Variants in GAN observed in about 807,000 individuals in gnomAD.
The protein encoded by GAN is epididymis secretory sperm binding protein.
GAN carries 48 observed loss-of-function variants against 71.3 expected under a neutral mutation model. The ratio of observed to expected loss-of-function variants is 0.67; its 90% CI spans 0.53 to 0.86. The LOEUF (loss-of-function observed/expected upper bound fraction) is 0.86. GAN is among the 40% of genes least tolerant of loss of function. GAN has a pLI of 0.00. For synonymous variants in GAN, 386 were observed against 276.8 expected (o/e 1.39, Z -3.92); for missense variants, 928 against 770.1 (o/e 1.21, Z -2.43).
chr16:81,352,264 C>G (rs543273849), intron 2 of GAN, among the ~76,000 whole-genome samples: 1 of 152,300 alleles, frequency 6.6e-6, no homozygotes, highest in South Asian at 2.1e-4. Flanking sequence ...TCTCTTCCCT[C>G]TCCATGTCCA....
chr16:81,321,400 C>T (rs531265587), intron 1 of GAN, among the ~76,000 whole-genome samples: 17 of 152,288 alleles, frequency 1.1e-4, no homozygotes, highest in Non-Finnish European at 2.2e-4. Context: ...TCTGCCTCTT[C>T]TTATAGTTTG....
At chr16:81,353,877 T>G (rs1910392931) in intron 2 of GAN, among the ~76,000 whole-genome samples, 1 of 152,188 alleles carries the variant, frequency 6.6e-6, no homozygotes, top group Non-Finnish European at 1.5e-5. Context: ...CAAATTGCAC[T>G]GCGTACAGTG....
chr16:81,361,957 T>C (rs1158408080), intron 5 of GAN, among the ~76,000 whole-genome samples: 1 of 152,250 alleles, frequency 6.6e-6, no homozygotes, highest in Non-Finnish European at 1.5e-5. Flanking sequence ...CCAAAAGTGC[T>C]GAGCCACCAC....
chr16:81,340,050 C>T (rs2150677181), intron 1 of GAN, among the ~76,000 whole-genome samples: 1 of 152,266 alleles, frequency 6.6e-6, no homozygotes, highest in African/African-American at 2.4e-5. Flanking sequence ...TCCTCTTAGC[C>T]ATTGTGTATC....
At position 81,327,456 on chromosome 16, in the gene GAN, T is replaced by C. The variant is rs567645042; in HGVS notation, c.167+12176T>C. On this transcript the variant is annotated intron_variant, in intron 1 of 10. Coordinates refer to ENST00000648994, the MANE Select transcript of GAN (RefSeq NM_022041.4). ...TTGTTTCCCCTACTCCACTATCTCC[T>C]TTCCTAAAAAAGGAAAAAGGGGGCA... 8.5e-5 allele frequency among the ~76,000 whole-genome samples: 13 copies of C among 152,330 alleles called. 1 individual carries two copies. In the South Asian group the frequency reaches 2.7e-3, roughly 32 times the overall value.
At chr16:81,375,434 T>C (rs2150697485) in intron 9 of GAN, among the ~76,000 whole-genome samples, 1 of 147,518 alleles carries the variant, frequency 6.8e-6, no homozygotes, top group East Asian at 2.1e-4. Context: ...CCTCCTTGAC[T>C]CAAGCAATCC....
chr16:81,337,755 C>T (rs546963632), intron 1 of GAN, among the ~76,000 whole-genome samples: 17 of 152,210 alleles, frequency 1.1e-4, no homozygotes, highest in Non-Finnish European at 2.4e-4. Flanking sequence ...GAAAAAGTAA[C>T]GTGAATATTG....
At position 81,316,371 on chromosome 16, in the gene GAN, T is replaced by C. The variant is rs113497250; in HGVS notation, c.167+1091T>C. Among the ~76,000 whole-genome samples, 724 of 152,084 alleles carry C rather than the reference T, an allele frequency of 4.8e-3. 4 individuals are homozygous for C. The highest frequency in any genetic ancestry group is 8.3e-3 in the Non-Finnish European group (566 of 67,984). On this transcript the variant is annotated intron_variant, in intron 1 of 10. Transcript: ENST00000648994. The stretch of plus-strand genomic sequence containing the variant: ...GCACGCTACACTTTTAACCTTTGCA[T>C]TGGGGAGATATCTGTGCTAAACTTA...
intron 2 of GAN, among the ~76,000 whole-genome samples, chr16:81,353,947 A>G (rs985039157): frequency 6.6e-6 from 1 of 152,222 alleles, no homozygotes; most frequent in African/African-American, 2.4e-5. Context: ...TCAAGGGGTT[A>G]GCATTCAGGT....
rs201244562 is a variant in GAN, at chr16:81,357,961, C to A, written c.973+30C>A. ...CGTTCTGTGGCAAATTTTCCTTAAA[C>A]AGCAGATCAAGTAATGTGTAATCTC... is the stretch of plus-strand genomic sequence containing the variant. On this transcript the variant is annotated intron_variant, in intron 5 of 10. Transcript: ENST00000648994. 4.2e-5 allele frequency: 67 copies of A among 1,592,744 alleles called. No homozygotes were observed. In the African/African-American group the frequency reaches 8.7e-4, roughly 21 times the overall value.
intron 9 of GAN, among the ~76,000 whole-genome samples, chr16:81,375,797 C>T (rs1233523213): frequency 6.6e-6 from 1 of 151,488 alleles, no homozygotes; most frequent in Non-Finnish European, 1.5e-5. Context: ...GAGACCTCAT[C>T]TCTATGGAAA....
Position 81,354,641 on chromosome 16 carries a change from G to A in GAN, c.519G>A (p.Leu173=). ...GCAGCACGGAAGAATTCTTAGAGCT[G>A]AGTCCTCAAAAGCTTAAAGAAGTGA... ...DVSSTEEFLE[L]SPQKLKEVIS... The change falls in exon 3 of 11, where the codon CTG becomes CTA. Residue 173 remains leucine (L), a synonymous_variant. Coordinates refer to ENST00000648994, the MANE Select transcript of GAN (RefSeq NM_022041.4). 8 of 1,613,408 alleles carry A rather than the reference G, an allele frequency of 5.0e-6. No individual in the cohort carries two copies. Among genetic ancestry groups the A allele is most frequent in the African/African-American group, 1.3e-5 (1 of 75,038 alleles).
chr16:81,335,116 G>C (rs1022478584), intron 1 of GAN, among the ~76,000 whole-genome samples: 1 of 133,106 alleles, frequency 7.5e-6, no homozygotes, highest in African/African-American at 2.7e-5. Context: ...CAGAGAACTG[G>C]ATCTAGGGAA....
intron 1 of GAN, among the ~76,000 whole-genome samples, chr16:81,316,908 G>C (rs1909062009): frequency 6.6e-6 from 1 of 152,224 alleles, no homozygotes; most frequent in Admixed American, 6.5e-5. Flanking sequence ...GCCCAGGCTA[G>C]AGTGCAGTGG....
chr16:81,381,901 A>G lies in GAN; in HGVS notation c.*4305A>G, dbSNP rs1213614234. Reference sequence around the variant, plus strand: ...TGAAACTAGCATGGGCCGGCCTCCTATATGGAGCTGAAACTAGTATAGCAT... The same window carrying G: ...TGAAACTAGCATGGGCCGGCCTCCTGTATGGAGCTGAAACTAGTATAGCAT... On this transcript the variant is annotated 3_prime_UTR_variant, in exon 11 of 11. Transcript: ENST00000648994. 2 of 152,092 alleles carry G rather than the reference A, an allele frequency of 1.3e-5. No homozygotes were observed. The highest frequency in any genetic ancestry group is 2.9e-5 in the Non-Finnish European group (2 of 68,028). The allele number at this position is 152,092 out of a possible 1,614,324, so 9.4% of individuals were successfully genotyped here. A position where few individuals can be genotyped will look rare whatever the true frequency, so the allele number is the denominator to read the frequency against.
At position 81,384,553 on chromosome 16, in the gene GAN, ATTTGGGTGCT is replaced by A. The variant is rs1013417429; in HGVS notation, c.*6959_*6968del. The A allele has an allele frequency of 6.6e-6, 1 of 152,106 alleles. No homozygotes were observed. The highest frequency in any genetic ancestry group is 6.5e-5 in the Admixed American group (1 of 15,274). The allele number at this position is 152,106 out of a possible 1,614,324, so 9.4% of individuals were successfully genotyped here. On this transcript the variant is annotated 3_prime_UTR_variant, in exon 11 of 11. Transcript: ENST00000648994. ...TCTGTCATCTGACCCAGTATTTGGGATTTGGGTGCTTGAGGATACTATTTTTTTCATTTCT... is the reference window on the plus strand; with the variant it reads ...TCTGTCATCTGACCCAGTATTTGGGATGAGGATACTATTTTTTTCATTTCT...
At chr16:81,353,008 G>A (rs1224834411) in intron 2 of GAN, among the ~76,000 whole-genome samples, 1 of 152,206 alleles carries the variant, frequency 6.6e-6, no homozygotes, top group Non-Finnish European at 1.5e-5. Flanking sequence ...AACGATAGTT[G>A]GGGCCGGGCG....
At chr16:81,357,995 A>G in intron 5 of GAN, 64 bp downstream of exon 5, 1 of 1,358,910 alleles carries the variant, frequency 7.4e-7, no homozygotes, top group Non-Finnish European at 1.1e-6. Context: ...TCAAGGTTTT[A>G]CAGAATGACT....
intron 1 of GAN, among the ~76,000 whole-genome samples, chr16:81,320,988 C>T (rs770207551): frequency 9.2e-5 from 14 of 151,740 alleles, no homozygotes; most frequent in East Asian, 1.9e-4. Context: ...TTTTCAAAAG[C>T]GATAATAACT....
Sources: allele counts gnomAD v4.1 joint callset (sites outside exome capture counted in the v4.1 genomes callset), GRCh38; gene constraint gnomAD v4.1.1; transcripts MANE v1.5; gene names NCBI Gene and HGNC (gene_info 2026-07-23, HGNC 2026-07-21).